The following GNAL variants were observed in gnomAD, a reference collection of about 807,000 sequenced individuals.
GNAL encodes the protein guanine nucleotide-binding protein G(olf) subunit alpha.
In GNAL, 18 loss-of-function variants were observed where a neutral mutation model predicts 55.1. That is an observed-to-expected ratio of 0.33 (90% confidence interval 0.23 to 0.48). The LOEUF is 0.48. GNAL is among the 20% of genes least tolerant of loss of function. The probability of loss-of-function intolerance (pLI) is 0.99; values close to 1 mark genes in which losing one functional copy is unlikely to be tolerated. For missense variants in GNAL, 412 were observed against 614.1 expected, an observed-to-expected ratio of 0.67 and a Z score of 3.48; for synonymous variants, 253 against 237.0, an observed-to-expected ratio of 1.07 and a Z score of -0.62.
At chr18:11,770,132 C>T (rs910817608) in intron 4 of GNAL, among the ~76,000 whole-genome samples, 3 of 152,032 alleles carry the variant, frequency 2.0e-5, no homozygotes, top group African/African-American at 7.2e-5. Flanking sequence ...ATATTACCTG[C>T]ATTATGAATT....
rs776457443 is a variant in GNAL at position 11,884,582 on chromosome 18, G to A, written c.*3447G>A. The stretch of plus-strand genomic sequence containing the variant: ...ATGATCAAAACCACATCCTCACGTG[G>A]GAGGTAGCACTTGGAGAGGGTGTAG... On this transcript the variant is annotated 3_prime_UTR_variant, in exon 12 of 12. Transcript: ENST00000334049. 7.4e-6 allele frequency: 12 copies of A among 1,613,840 alleles called. No individual in the cohort carries two copies. In the Admixed American group the frequency reaches 8.3e-5, roughly 11 times the overall value.
intron 5 of GNAL, among the ~76,000 whole-genome samples, chr18:11,829,636 A>C (rs955609861): frequency 2.0e-5 from 3 of 152,158 alleles, no homozygotes; most frequent in Non-Finnish European, 4.4e-5. Context: ...TGTTCAGCCT[A>C]CTAGGTTTTG....
At chr18:11,811,489 C>T (rs570637317) in intron 4 of GNAL, 3 of 152,338 alleles carry the variant, frequency 2.0e-5, no homozygotes, top group East Asian at 3.9e-4. Context: ...ACTGTTAAAA[C>T]TGTTAACTGT....
At chr18:11,762,518 A>G (rs1047487782) in intron 4 of GNAL, among the ~76,000 whole-genome samples, 1 of 152,222 alleles carries the variant, frequency 6.6e-6, no homozygotes, top group Admixed American at 6.5e-5. Context: ...GGGGACACCC[A>G]TGCAGCTGGC....
chr18:11,733,095 T>C (rs1475246009), intron 1 of GNAL, among the ~76,000 whole-genome samples: 1 of 152,174 alleles, frequency 6.6e-6, no homozygotes, highest in Non-Finnish European at 1.5e-5. Context: ...GAGAAGACTC[T>C]GATCTGTGCT....
At chr18:11,828,313 A>T (rs971568091) in intron 5 of GNAL, among the ~76,000 whole-genome samples, 2 of 152,080 alleles carry the variant, frequency 1.3e-5, no homozygotes, top group African/African-American at 4.8e-5. Flanking sequence ...CTGAGGTGGG[A>T]GGATCCCTTG....
chr18:11,805,378 A>G (rs368383681), intron 4 of GNAL, among the ~76,000 whole-genome samples: 3 of 150,590 alleles, frequency 2.0e-5, no homozygotes, highest in East Asian at 2.0e-4. Flanking sequence ...CTGTACTGGT[A>G]AAGTACAGGT....
At chr18:11,753,520 G>T (rs1210815618) in intron 2 of GNAL, 108 bp from the exon 3 acceptor site, 12 of 727,314 alleles carry the variant, frequency 1.6e-5, no homozygotes, top group Non-Finnish European at 2.9e-5. Context: ...GACCTCTAGT[G>T]AAACCAGTCT....
At chr18:11,762,589 A>C (rs984919775) in intron 4 of GNAL, among the ~76,000 whole-genome samples, 2 of 152,150 alleles carry the variant, frequency 1.3e-5, no homozygotes, top group Non-Finnish European at 2.9e-5. Context: ...GGACATAGAG[A>C]GGACAGTGCT....
chr18:11,701,208 G>A (rs2031560060), intron 1 of GNAL, among the ~76,000 whole-genome samples: 1 of 152,184 alleles, frequency 6.6e-6, no homozygotes, highest in Non-Finnish European at 1.5e-5. Flanking sequence ...GTAACATGAT[G>A]GGCATCCCCC....
chr18:11,879,071 G>A (rs950263211), intron 11 of GNAL, among the ~76,000 whole-genome samples: 9 of 145,322 alleles, frequency 6.2e-5, no homozygotes, highest in East Asian at 2.0e-4. Flanking sequence ...AAACCTGCAC[G>A]TTGTGCACAT....
chr18:11,838,894 C>A (rs999636481), intron 5 of GNAL, among the ~76,000 whole-genome samples: 5 of 152,182 alleles, frequency 3.3e-5, no homozygotes, highest in Non-Finnish European at 7.3e-5. Context: ...AAAAGACTAT[C>A]TTTGTGGAAA....
chr18:11,739,969 C>G (rs2032541174), intron 1 of GNAL, among the ~76,000 whole-genome samples: 1 of 152,262 alleles, frequency 6.6e-6, no homozygotes, highest in Non-Finnish European at 1.5e-5. Context: ...CAATTCCACC[C>G]GACCCATGCT....
Position 11,824,698 on chromosome 18 carries a change from C to T in GNAL, c.625-220C>T, listed in dbSNP as rs5014803. Among the ~76,000 whole-genome samples, 103,627 of 149,208 alleles carry T rather than the reference C, an allele frequency of 0.69. 37,460 individuals carry two copies. The highest frequency in any genetic ancestry group is 0.82 in the Admixed American group (12,396 of 15,172). On this transcript the variant is annotated intron_variant, in intron 4 of 11. Transcript: ENST00000334049. Reference sequence around the variant, plus strand: ...GCGAGACTGTGTCTCAAAAAAAAAACAAAAAACTTTTGCAATTTGACTTGA... The same window carrying T: ...GCGAGACTGTGTCTCAAAAAAAAAATAAAAAACTTTTGCAATTTGACTTGA...
intron 4 of GNAL, among the ~76,000 whole-genome samples, chr18:11,816,239 T>G (rs1332987891): frequency 6.6e-6 from 1 of 152,208 alleles, no homozygotes; most frequent in Non-Finnish European, 1.5e-5. Flanking sequence ...GGTGAATGGA[T>G]AAATAAAACA....
chr18:11,833,419 T>C (rs577596161), intron 5 of GNAL: 1 of 152,318 alleles, frequency 6.6e-6, no homozygotes, highest in South Asian at 2.1e-4. Flanking sequence ...GAAAAATAAA[T>C]GTAGCAGCAG....
rs1568031447 is a variant in GNAL at position 11,796,589 on chromosome 18, A to AC, written c.625-28329_625-28328insC. On this transcript the variant is annotated intron_variant, in intron 4 of 11. Transcript: ENST00000334049. The stretch of plus-strand genomic sequence containing the variant: ...ACTCCTTCTCACAAAAAAAAAAAAA[A>AC]AAAAAACAAAACACGCAACCTTTCC... Among the ~76,000 whole-genome samples, 704 of 147,102 alleles carry AC rather than the reference A, an allele frequency of 4.8e-3. 7 individuals carry two copies. The highest frequency in any genetic ancestry group is 0.017 in the African/African-American group (666 of 38,498).
intron 5 of GNAL, chr18:11,857,382 T>A (rs2036032271): frequency 3.6e-6 from 2 of 552,956 alleles, no homozygotes; most frequent in Non-Finnish European, 2.3e-6. Flanking sequence ...TGACACAGGA[T>A]CTGAGAGGCC....
chr18:11,736,071 T>G (rs1254317343), intron 1 of GNAL, among the ~76,000 whole-genome samples: 1 of 152,232 alleles, frequency 6.6e-6, no homozygotes, highest in Non-Finnish European at 1.5e-5. Flanking sequence ...CTAGTCTATT[T>G]TCTTCCCACA....
Sources: gnomAD v4.1 joint callset for allele counts (sites outside exome capture counted in the v4.1 genomes callset) on GRCh38, gnomAD v4.1.1 for gene constraint, MANE v1.5 for transcripts, NCBI Gene and HGNC (gene_info 2026-07-23, HGNC 2026-07-21) for gene names.